Variants in TEX36 observed in about 807,000 individuals in gnomAD.
The protein encoded by TEX36 is testis-expressed protein 36.
In TEX36, 12 loss-of-function variants were observed where a neutral mutation model predicts 13.6. That is an observed-to-expected ratio of 0.88 (90% CI 0.56 to 1.43). TEX36 has a LOEUF of 1.43. TEX36 is among the 40% of genes most tolerant of loss of function. The pLI, the probability that TEX36 is intolerant of heterozygous loss-of-function variation, is 0.00. For missense variants in TEX36, 224 were observed against 228.3 expected, an observed-to-expected ratio of 0.98 and a Z score of 0.12; for synonymous variants, 93 against 83.0, an observed-to-expected ratio of 1.12 and a Z score of -0.65.
chr10:125,667,498 A>G (rs977422732), intron 1 of TEX36: 2 of 727,686 alleles, frequency 2.7e-6, no homozygotes, highest in African/African-American at 3.5e-5. Flanking sequence ...CAATCTTCAG[A>G]ACACAATGCC....
intron 3 of TEX36, among the ~76,000 whole-genome samples, chr10:125,615,873 G>T (rs969726945): frequency 5.3e-5 from 8 of 151,958 alleles, no homozygotes; most frequent in African/African-American, 1.5e-4. Context: ...AGTTCCCCCT[G>T]GTACCTCTGC....
intron 3 of TEX36, among the ~76,000 whole-genome samples, chr10:125,627,682 A>C (rs1332550951): frequency 6.6e-6 from 1 of 152,258 alleles, no homozygotes; most frequent in East Asian, 1.9e-4. Context: ...TTCAACAAAT[A>C]TACAAATAAA....
intron 3 of TEX36, among the ~76,000 whole-genome samples, chr10:125,612,158 A>G (rs1223408028): frequency 6.8e-6 from 1 of 146,206 alleles, no homozygotes; most frequent in African/African-American, 2.6e-5. Flanking sequence ...ATCTTGGCTC[A>G]CTGCAACCTC....
At chr10:125,637,029 C>A (rs956348623) in intron 3 of TEX36, among the ~76,000 whole-genome samples, 1 of 151,960 alleles carries the variant, frequency 6.6e-6, no homozygotes, top group African/African-American at 2.4e-5. Context: ...AGGCCTGGTG[C>A]GGTGGCTTAT....
At chr10:125,612,450 GTTTC>G (rs989247814) in intron 3 of TEX36, among the ~76,000 whole-genome samples, 45 of 152,084 alleles carry the variant, frequency 3.0e-4, no homozygotes, top group African/African-American at 9.4e-4. Context: ...GAGGCTTTCT[GTTTC>G]TTTCTATCAG....
intron 3 of TEX36, among the ~76,000 whole-genome samples, chr10:125,580,393 T>G (rs1342146468): frequency 6.6e-6 from 1 of 152,206 alleles, no homozygotes; most frequent in East Asian, 1.9e-4. Flanking sequence ...ACTTTATTCA[T>G]GCCTGATAAA....
chr10:125,616,068 C>T (rs970199789), intron 3 of TEX36, among the ~76,000 whole-genome samples: 4 of 152,080 alleles, frequency 2.6e-5, no homozygotes, highest in African/African-American at 4.8e-5. Context: ...AGTTTATTTG[C>T]GTAGAGGTGT....
intron 3 of TEX36, among the ~76,000 whole-genome samples, chr10:125,616,093 G>T (rs1188008699): frequency 6.6e-6 from 1 of 152,138 alleles, no homozygotes; most frequent in East Asian, 1.9e-4. Context: ...AGTATTCTCT[G>T]ATGGTAGTTT....
chr10:125,623,978 T>G (rs968065653), intron 3 of TEX36, among the ~76,000 whole-genome samples: 11 of 152,228 alleles, frequency 7.2e-5, no homozygotes, highest in African/African-American at 2.7e-4. Context: ...TTAACCCGTG[T>G]GGACAGGTTG....
chr10:125,644,430 T>TA lies in TEX36; in HGVS notation c.264+16590dup, dbSNP rs201172742. On this transcript the variant is annotated intron_variant, in intron 3 of 3. Coordinates refer to the TEX36 transcript ENST00000526819. Reference sequence around the variant, plus strand: ...TCTATAGCTAAAAGAAAACTGAAAATAAAAAAAAACAATACTGAAAGTGAA... The same window carrying TA: ...TCTATAGCTAAAAGAAAACTGAAAATAAAAAAAAAACAATACTGAAAGTGAA... 2.1e-3 allele frequency among the ~76,000 whole-genome samples: 319 copies of TA among 149,718 alleles called. 1 individual carries two copies. Among genetic ancestry groups the TA allele is most frequent in the African/African-American group, 7.0e-3 (284 of 40,750 alleles).
chr10:125,665,501 G>A (rs35543720), intron 1 of TEX36, among the ~76,000 whole-genome samples: 2,356 of 152,098 alleles, frequency 0.015, 42 homozygotes, highest in Non-Finnish European at 0.022. Flanking sequence ...ATTGAACAGG[G>A]TGCTGCTTCC....
At chr10:125,629,707 G>T (rs991299683) in intron 3 of TEX36, among the ~76,000 whole-genome samples, 2 of 152,100 alleles carry the variant, frequency 1.3e-5, no homozygotes, top group East Asian at 1.9e-4. Context: ...AGGGATGAAG[G>T]CCTTCCCAGC....
intron 3 of TEX36, among the ~76,000 whole-genome samples, chr10:125,642,841 C>T (rs1474138999): frequency 1.3e-5 from 2 of 152,054 alleles, no homozygotes; most frequent in African/African-American, 4.8e-5. Context: ...GGAATTTAAT[C>T]GCATTGGTTG....
intron 3 of TEX36, among the ~76,000 whole-genome samples, chr10:125,635,796 G>A (rs995790836): frequency 2.6e-5 from 4 of 152,070 alleles, no homozygotes; most frequent in Non-Finnish European, 5.9e-5. Context: ...TCCACCTCCA[G>A]CCCAGACTGG....
At chr10:125,616,659 A>G (rs1846362954), downstream of TEX36, among the ~76,000 whole-genome samples, 1 of 109,348 alleles carries the variant, frequency 9.1e-6, no homozygotes, top group Non-Finnish European at 1.9e-5. Flanking sequence ...ACAGTTTGTT[A>G]TAATTTCTGT....
chr10:125,681,672 T>C (rs528595052), intron 1 of TEX36, among the ~76,000 whole-genome samples: 2 of 152,380 alleles, frequency 1.3e-5, no homozygotes, highest in East Asian at 3.9e-4. Context: ...TATTTTATTG[T>C]GTACATTTTC....
At chr10:125,643,383 C>T (rs946394232) in intron 3 of TEX36, among the ~76,000 whole-genome samples, 1 of 151,874 alleles carries the variant, frequency 6.6e-6, no homozygotes, top group South Asian at 2.1e-4. Context: ...TGAGGTGGGC[C>T]GATCATTTGA....
At chr10:125,628,668 G>A (rs372761871) in intron 3 of TEX36, among the ~76,000 whole-genome samples, 2 of 152,150 alleles carry the variant, frequency 1.3e-5, no homozygotes, top group East Asian at 3.8e-4. Flanking sequence ...GTATGCAGCT[G>A]GTAAAGAAGA....
chr10:125,579,035 T>A (rs536712340), intron 3 of TEX36, among the ~76,000 whole-genome samples: 1 of 152,278 alleles, frequency 6.6e-6, no homozygotes, highest in South Asian at 2.1e-4. Flanking sequence ...CCCAACTCGT[T>A]ACAGAAAGGA....
Sources: gnomAD v4.1 joint callset for allele counts (sites outside exome capture counted in the v4.1 genomes callset) on GRCh38, gnomAD v4.1.1 for gene constraint, MANE v1.5 for transcripts, NCBI Gene and HGNC (gene_info 2026-07-23, HGNC 2026-07-21) for gene names.